Variants in EPRS1 observed in about 807,000 individuals in gnomAD.
The protein encoded by EPRS1 is bifunctional glutamate/proline--tRNA ligase.
A neutral mutation model predicts 188.3 loss-of-function variants in EPRS1; 107 were observed. The observed-to-expected ratio is 0.57, with a 90% confidence interval of 0.49 to 0.67. The LOEUF (loss-of-function observed/expected upper bound fraction) is 0.67, where lower values mean the gene tolerates loss of function less well. EPRS1 is among the 30% of genes least tolerant of loss of function. The pLI, the probability that EPRS1 is intolerant of heterozygous loss-of-function variation, is 0.00. For synonymous variants in EPRS1, 596 were observed against 593.1 expected, an observed-to-expected ratio of 1.00 and a Z score of -0.07; for missense variants, 1,577 against 1,802.2, an observed-to-expected ratio of 0.88 and a Z score of 2.26.
At position 219,989,330 on chromosome 1, in the gene EPRS1, T is replaced by C. The variant is rs538676569; in HGVS notation, c.2542-507A>G. Reference sequence around the variant, plus strand: ...AAAGCATGTTGAAGTTTTTAGACACTTACCTATATATTTTAATCTGATACT... The same window carrying C: ...AAAGCATGTTGAAGTTTTTAGACACCTACCTATATATTTTAATCTGATACT... On this transcript the variant is annotated intron_variant, in intron 18 of 31. Transcript: ENST00000366923. Among the ~76,000 whole-genome samples the C allele has an allele frequency of 3.3e-5, 5 of 151,458 alleles. No homozygotes were observed. In the South Asian group the frequency reaches 1.0e-3, roughly 32 times the overall value.
At chr1:220,024,034 C>T (rs1392341242) in intron 8 of EPRS1, among the ~76,000 whole-genome samples, 3 of 152,176 alleles carry the variant, frequency 2.0e-5, no homozygotes, top group Admixed American at 6.5e-5. Context: ...CGCCTGTCAT[C>T]CCAGCTACTT....
intron 13 of EPRS1, among the ~76,000 whole-genome samples, chr1:220,010,568 T>G (rs916318823): frequency 6.6e-6 from 1 of 152,064 alleles, no homozygotes; most frequent in Non-Finnish European, 1.5e-5. Context: ...TTCCAGCACT[T>G]TGGGAGGCCG....
At chr1:220,001,394 C>A in intron 16 of EPRS1, 139 bp from the exon 17 acceptor site, 2 of 624,924 alleles carry the variant, frequency 3.2e-6, no homozygotes, top group South Asian at 3.9e-5. Context: ...TTGAGACAGT[C>A]TCACTCTGTC....
Position 220,018,590 on chromosome 1 carries a change from G to GGA in EPRS1, c.1435-83_1435-82insTC, listed in dbSNP as rs1553253218. 3.7e-4 allele frequency: 227 copies of GGA among 615,898 alleles called. 2 individuals are homozygous for GGA. In the South Asian group the frequency reaches 4.1e-3, roughly 11 times the overall value. 38.2% of individuals were successfully genotyped at this position (615,898 alleles called of 1,614,324 possible). ...CTTTATTTCATGCTAAGCATGTTTAGAAAAAAAAAAAAAACTCGATAAATA... is the reference window on the plus strand; with the variant it reads ...CTTTATTTCATGCTAAGCATGTTTAGGAAAAAAAAAAAAAAACTCGATAAATA... On this transcript the variant is annotated intron_variant, in intron 11 of 31. Transcript: ENST00000366923.
chr1:220,006,273 T>C lies in EPRS1; in HGVS notation c.1783A>G (p.Asn595Asp), dbSNP rs532050872. Residue 595 changes from asparagine to aspartate, a missense_variant, in exon 15 of 32, where the codon AAT becomes GAT. Physicochemically the swap from Asn to Asp is conservative, Grantham distance 23 (BLOSUM62 1). Transcript: ENST00000366923. ...TTCTTGTAGTCTTTGTTTTCCAAAT[T>C]CAACTTTGCATCAAGAGATATGATT... Reference protein sequence around the residue: ...GKIISLDAKLNLENKDYKKTT... With the variant: ...GKIISLDAKLDLENKDYKKTT... 39 of 1,588,292 alleles carry C rather than the reference T, an allele frequency of 2.5e-5. No individual in the cohort carries two copies. The South Asian group carries it at 4.1e-4, about 17-fold the overall frequency.
At chr1:220,004,219 A>T (rs1395550427) in intron 16 of EPRS1, among the ~76,000 whole-genome samples, 1 of 152,058 alleles carries the variant, frequency 6.6e-6, no homozygotes, top group Non-Finnish European at 1.5e-5. Context: ...TTTTTTGTAG[A>T]GATGGGGTCT....
In EPRS1 at chr1:220,030,386, C is replaced by T. The variant is rs1662061537; in HGVS notation, c.623G>A (p.Gly208Asp). ...VTVRFPPEASGYLHIGHAKAA... is the reference protein window; with the variant it reads ...VTVRFPPEASDYLHIGHAKAA... ...ATAAATGTGAGTTACATTTTCTTAC[C>T]CACTGGCCTCTGGAGGAAATCTGAC... The change falls in exon 6 of 32, where the codon GGT (glycine) becomes GAT (aspartate). Residue 208 changes from glycine (G) to aspartate (D), a missense_variant and splice_region_variant. Physicochemically the swap from Gly to Asp is moderately conservative, Grantham distance 94. Coordinates refer to ENST00000366923, the MANE Select transcript of EPRS1 (RefSeq NM_004446.3). The T allele has an allele frequency of 6.2e-7, 1 of 1,603,516 alleles. No individual in the cohort carries two copies. Among genetic ancestry groups the T allele is most frequent in the Non-Finnish European group, 8.5e-7 (1 of 1,170,566 alleles).
intron 16 of EPRS1, among the ~76,000 whole-genome samples, chr1:220,004,544 C>T (rs1661421376): frequency 2.0e-5 from 3 of 151,964 alleles, no homozygotes; most frequent in African/African-American, 7.2e-5. Context: ...AGATGGGCAA[C>T]ACAAACGACA....
At chr1:219,985,248 AAAG>A (rs935562544) in intron 20 of EPRS1, among the ~76,000 whole-genome samples, 1 of 152,122 alleles carries the variant, frequency 6.6e-6, no homozygotes, top group African/African-American at 2.4e-5. Flanking sequence ...TCCCACTAAA[AAAG>A]AAGAATCTTA....
chr1:220,040,626 G>A (rs1008095721), intron 1 of EPRS1, among the ~76,000 whole-genome samples: 3 of 152,144 alleles, frequency 2.0e-5, no homozygotes, highest in Non-Finnish European at 4.4e-5. Context: ...CAAGGCAGGC[G>A]GATCACCTGA....
At chr1:219,976,375 TAAAG>T (rs1287233007) in intron 28 of EPRS1, among the ~76,000 whole-genome samples, 1 of 152,238 alleles carries the variant, frequency 6.6e-6, no homozygotes, top group East Asian at 1.9e-4. Flanking sequence ...CATTCTGCTA[TAAAG>T]AAACACTAGT....
intron 18 of EPRS1, among the ~76,000 whole-genome samples, chr1:219,989,043 T>C (rs1661069115): frequency 6.6e-6 from 1 of 152,036 alleles, no homozygotes; most frequent in African/African-American, 2.4e-5. Context: ...CATACAACAG[T>C]GTAACTTTCT....
Position 219,980,149 on chromosome 1 carries a change from A to C in EPRS1, c.3647T>G (p.Phe1216Cys). ...TGTAGTTGTATAGTCTCCTCCTGCA[A>C]ATTTTTCCTTTTCCGTCTTTCTTCC... ...VKGRKTEKEK[F>C]AGGDYTTTIE... The change falls in exon 26 of 32, where the codon TTT becomes TGT. Residue 1216 changes from phenylalanine (F) to cysteine (C), a missense_variant. Physicochemically the swap from Phe to Cys is radical, Grantham distance 205. Around this residue, in one of 3 missense-constraint regions of EPRS1, gnomAD observed 1,278 missense variants for 1,457.4 expected, o/e 0.88. Coordinates refer to ENST00000366923, the MANE Select transcript of EPRS1 (RefSeq NM_004446.3). The C allele has an allele frequency of 6.2e-7, 1 of 1,613,898 alleles. No individual in the cohort carries two copies. Among genetic ancestry groups the C allele is most frequent in the East Asian group, 2.2e-5 (1 of 44,842 alleles).
Position 219,982,851 on chromosome 1 carries a change from A to G in EPRS1, c.3301-7T>C, listed in dbSNP as rs1308548057. 1 of 1,612,760 alleles carries G rather than the reference A, an allele frequency of 6.2e-7. No individual in the cohort carries two copies. Among genetic ancestry groups the G allele is most frequent in the Non-Finnish European group, 8.5e-7 (1 of 1,178,854 alleles). ...ATCTTGTAACCCAAGCAACCTAGTA[A>G]GAAAAAATCATTTTTCATACTTTTT... is the stretch of plus-strand genomic sequence containing the variant. On this transcript the variant is annotated splice_region_variant and splice_polypyrimidine_tract_variant and intron_variant, in intron 22 of 31. Coordinates refer to ENST00000366923, the MANE Select transcript of EPRS1 (RefSeq NM_004446.3).
chr1:220,010,810 A>C (rs1395781118), intron 13 of EPRS1, 136 bp downstream of exon 13: 1 of 160,738 alleles, frequency 6.2e-6, no homozygotes, highest in Non-Finnish European at 1.3e-5. Context: ...CTACGTCTCA[A>C]AAAAAAAAAA....
intron 2 of EPRS1, among the ~76,000 whole-genome samples, chr1:220,037,695 A>C (rs997079711): frequency 1.3e-5 from 2 of 152,130 alleles, no homozygotes; most frequent in African/African-American, 4.8e-5. Context: ...CCAAATGCCC[A>C]GCAGAACAGA....
At chr1:220,014,327 C>CAA (rs61690027) in intron 12 of EPRS1, among the ~76,000 whole-genome samples, 87 of 149,428 alleles carry the variant, frequency 5.8e-4, no homozygotes, top group South Asian at 1.1e-3. Context: ...GACTCCATCT[C>CAA]AAAAAAAAAC....
intron 14 of EPRS1, among the ~76,000 whole-genome samples, chr1:220,006,635 T>C (rs1042681537): frequency 6.6e-6 from 1 of 152,168 alleles, no homozygotes; most frequent in African/African-American, 2.4e-5. Context: ...TCAAGCATTA[T>C]AAAATTTGAA....
intron 16 of EPRS1, among the ~76,000 whole-genome samples, chr1:220,004,169 A>G (rs560733681): frequency 2.6e-5 from 4 of 152,264 alleles, no homozygotes; most frequent in African/African-American, 9.6e-5. Context: ...TGAGGATTAC[A>G]GGTGTGTACC....
Sources: allele counts gnomAD v4.1 joint callset (sites outside exome capture counted in the v4.1 genomes callset), GRCh38; gene constraint gnomAD v4.1.1; regional missense constraint gnomAD v4.1.1; transcripts MANE v1.5; gene names NCBI Gene and HGNC (gene_info 2026-07-23, HGNC 2026-07-21).